The following TANC2 variants were observed in gnomAD, a reference collection of about 807,000 sequenced individuals.
TANC2 encodes the protein tetratricopeptide repeat, ankyrin repeat and coiled-coil containing 2, also known as protein TANC2.
In TANC2, 26 loss-of-function variants were observed where a neutral mutation model predicts 210.5. The ratio of observed to expected loss-of-function variants is 0.12; its 90% CI spans 0.09 to 0.17. The LOEUF (loss-of-function observed/expected upper bound fraction) is 0.17, where lower values mean the gene tolerates loss of function less well. Among genes scored for constraint, TANC2 ranks in the 10% least tolerant of loss-of-function variants. The pLI is 1.00. For synonymous variants in TANC2, 931 were observed against 967.1 expected, an observed-to-expected ratio of 0.96 and a Z score of 0.69; for missense variants, 2,129 against 2,608.9, an observed-to-expected ratio of 0.82 and a Z score of 4.01.
intron 3 of TANC2, among the ~76,000 whole-genome samples, chr17:63,091,712 T>C (rs1441055175): frequency 3.3e-5 from 5 of 152,210 alleles, no homozygotes; most frequent in Non-Finnish European, 7.3e-5. Flanking sequence ...TTTGGTTCCA[T>C]ATGAACTTTA....
At chr17:63,269,295 C>T (rs1433944893) in intron 9 of TANC2, among the ~76,000 whole-genome samples, 1 of 152,066 alleles carries the variant, frequency 6.6e-6, no homozygotes, top group Non-Finnish European at 1.5e-5. Context: ...AGTTGCATGG[C>T]ATATGCAACT....
chr17:63,387,407 T>C (rs574053613), intron 15 of TANC2, among the ~76,000 whole-genome samples: 1 of 152,302 alleles, frequency 6.6e-6, no homozygotes, highest in Admixed American at 6.5e-5. Context: ...ACTAGAGGTC[T>C]TGTTAGATGA....
chr17:63,285,649 C>T lies in TANC2; in HGVS notation c.1159+17776C>T, dbSNP rs902262159. Among the ~76,000 whole-genome samples the T allele has an allele frequency of 2.6e-5, 4 of 152,320 alleles. No homozygotes were observed. In the East Asian group the frequency reaches 5.8e-4, roughly 22 times the overall value. The stretch of plus-strand genomic sequence containing the variant: ...AAGTCTGGAGGAAATTAGACACAAG[C>T]TTCCAAGTACCCTCCCCAGTTAAGT... On this transcript the variant is annotated intron_variant, in intron 9 of 27. Coordinates refer to ENST00000689528, the Ensembl canonical transcript of TANC2.
intron 7 of TANC2, among the ~76,000 whole-genome samples, chr17:63,206,324 A>G (rs2041709739): frequency 6.6e-6 from 1 of 152,258 alleles, no homozygotes; most frequent in African/African-American, 2.4e-5. Context: ...TAGAATTGCC[A>G]TATGATCCGG....
chr17:63,018,959 T>C (rs1224166583), intron 2 of TANC2, among the ~76,000 whole-genome samples: 3 of 152,236 alleles, frequency 2.0e-5, no homozygotes, highest in African/African-American at 7.2e-5. Context: ...GAAGGACAGC[T>C]GAATTGTTTC....
chr17:63,025,857 TAAAA>T (rs1568327401), intron 2 of TANC2, among the ~76,000 whole-genome samples: 1 of 148,858 alleles, frequency 6.7e-6, no homozygotes. Context: ...TAAAATAAAA[TAAAA>T]AATAAAATAT....
intron 2 of TANC2, among the ~76,000 whole-genome samples, chr17:63,010,020 T>G (rs1376248392): frequency 6.6e-6 from 1 of 152,144 alleles, no homozygotes; most frequent in Non-Finnish European, 1.5e-5. Context: ...AAGTGAAATA[T>G]AAGTTGAATT....
intron 21 of TANC2, 66 bp from the exon 22 acceptor site, chr17:63,411,445 C>T (rs913436390): frequency 3.4e-6 from 5 of 1,479,986 alleles, no homozygotes; most frequent in Admixed American, 2.1e-5. Flanking sequence ...GCCCCTTCAG[C>T]GTACTTCCCC....
intron 4 of TANC2, among the ~76,000 whole-genome samples, chr17:63,127,017 G>A (rs529175025): frequency 3.3e-4 from 51 of 152,266 alleles, no homozygotes; most frequent in African/African-American, 1.2e-3. Flanking sequence ...CTGAGGCTGG[G>A]GACATACTGC....
intron 9 of TANC2, among the ~76,000 whole-genome samples, chr17:63,307,267 T>G (rs1474010988): frequency 6.6e-6 from 1 of 152,178 alleles, no homozygotes; most frequent in Admixed American, 6.5e-5. Context: ...CATTCCAGCC[T>G]CAGTCCGGGT....
chr17:63,303,957 C>CT (rs2044810773), intron 9 of TANC2, among the ~76,000 whole-genome samples: 1 of 151,892 alleles, frequency 6.6e-6, no homozygotes, highest in African/African-American at 2.4e-5. Flanking sequence ...ATGTTCCTCT[C>CT]TAAACTGGTT....
rs1020074706 is a variant in TANC2 at position 63,271,452 on chromosome 17, A to G, written c.1159+3579A>G. ...GCTCTTTTTCTTTTTTTTTTTTTTT[A>G]ATTTTGCTTTAAGTTCTGGGATACA... On this transcript the variant is annotated intron_variant, in intron 9 of 27. Transcript: ENST00000689528. 3.0e-5 allele frequency among the ~76,000 whole-genome samples: 3 copies of G among 99,788 alleles called. 1 individual carries two copies. Among genetic ancestry groups the G allele is most frequent in the African/African-American group, 9.9e-5 (2 of 20,294 alleles). The allele number at this position is 99,788 out of a possible 152,430, so 65.5% of individuals were successfully genotyped here.
Position 63,173,603 on chromosome 17 carries a change from A to T in TANC2, c.434-20388A>T, listed in dbSNP as rs187320185. On this transcript the variant is annotated intron_variant, in intron 5 of 27. Transcript: ENST00000689528. ...ATATCTGAAGCCTTTCCTTTTTTCTATTATAAAACTTTCCCATTCCTGTGC... is the reference window on the plus strand; with the variant it reads ...ATATCTGAAGCCTTTCCTTTTTTCTTTTATAAAACTTTCCCATTCCTGTGC... Among the ~76,000 whole-genome samples the T allele has an allele frequency of 1.6e-4, 25 of 152,150 alleles. No individual in the cohort carries two copies. In the East Asian group the frequency reaches 4.4e-3, roughly 27 times the overall value.
intron 13 of TANC2, 32 bp from the exon 14 acceptor site, chr17:63,354,751 T>G: frequency 2.6e-6 from 4 of 1,528,450 alleles, no homozygotes; most frequent in Non-Finnish European, 3.5e-6. Context: ...CTGAAGGTCT[T>G]TCTGTCTCTT....
At chr17:63,377,000 CA>C (rs1275966411) in intron 14 of TANC2, among the ~76,000 whole-genome samples, 1 of 151,960 alleles carries the variant, frequency 6.6e-6, no homozygotes, top group Non-Finnish European at 1.5e-5. Flanking sequence ...TGTATTTTTA[CA>C]AAATGAGGCT....
intron 8 of TANC2, among the ~76,000 whole-genome samples, chr17:63,263,896 A>T (rs1396129526): frequency 1.3e-5 from 2 of 152,232 alleles, no homozygotes; most frequent in East Asian, 3.8e-4. Context: ...ATGTTGAAAG[A>T]TCGACAGGTA....
chr17:63,361,684 C>T (rs370111273), intron 14 of TANC2, among the ~76,000 whole-genome samples: 4 of 152,226 alleles, frequency 2.6e-5, no homozygotes, highest in Non-Finnish European at 4.4e-5. Flanking sequence ...TCCTTCTCAT[C>T]GTCCACAATG....
intron 5 of TANC2, among the ~76,000 whole-genome samples, chr17:63,168,402 A>G (rs1184111960): frequency 6.6e-6 from 1 of 152,074 alleles, no homozygotes; most frequent in Non-Finnish European, 1.5e-5. Context: ...CTTAATATGG[A>G]TCTAGTTTTT....
intron 3 of TANC2, among the ~76,000 whole-genome samples, chr17:63,098,847 T>C (rs990456436): frequency 1.4e-5 from 2 of 146,134 alleles, no homozygotes; most frequent in African/African-American, 5.2e-5. Context: ...ATACCTTTAA[T>C]GTGTGTCTTA....
Sources: allele counts gnomAD v4.1 joint callset (sites outside exome capture counted in the v4.1 genomes callset), GRCh38; gene constraint gnomAD v4.1.1; transcripts MANE v1.5; gene names NCBI Gene and HGNC (gene_info 2026-07-23, HGNC 2026-07-21).